ZNF385D: variants seen among roughly 807,000 people sequenced by gnomAD.
ZNF385D encodes the protein zinc finger protein 385D.
A neutral mutation model predicts 35.8 loss-of-function variants in ZNF385D; 15 were observed. That is an observed-to-expected ratio of 0.42 (90% CI 0.28 to 0.64). The LOEUF is 0.64. Among genes scored for constraint, ZNF385D ranks in the 30% least tolerant of loss-of-function variants. ZNF385D has a pLI of 0.23. For synonymous variants in ZNF385D, 212 were observed against 186.8 expected, an observed-to-expected ratio of 1.13 and a Z score of -1.10; for missense variants, 474 against 494.6, an observed-to-expected ratio of 0.96 and a Z score of 0.39.
intron 3 of ZNF385D, among the ~76,000 whole-genome samples, chr3:21,915,643 A>G (rs1324009844): frequency 6.6e-6 from 1 of 152,152 alleles, no homozygotes; most frequent in Non-Finnish European, 1.5e-5. Context: ...TACACAAAGA[A>G]AAAAAACAAA....
intron 3 of ZNF385D, among the ~76,000 whole-genome samples, chr3:21,861,616 G>A (rs776904429): frequency 4.6e-5 from 7 of 152,098 alleles, no homozygotes; most frequent in Non-Finnish European, 8.8e-5. Flanking sequence ...AAAGCCAGAT[G>A]GCATATAGGG....
intron 2 of ZNF385D, among the ~76,000 whole-genome samples, chr3:22,366,196 C>A (rs1176070121): frequency 6.6e-6 from 1 of 152,068 alleles, no homozygotes; most frequent in Non-Finnish European, 1.5e-5. Context: ...TTTAATCATA[C>A]TTCCTTGCCC....
At chr3:22,215,988 C>T (rs949482787) in intron 2 of ZNF385D, among the ~76,000 whole-genome samples, 2 of 152,034 alleles carry the variant, frequency 1.3e-5, no homozygotes, top group East Asian at 3.9e-4. Context: ...CTGAATTTCC[C>T]CCAATAGCTA....
At chr3:22,192,861 G>A (rs1204493785) in intron 2 of ZNF385D, among the ~76,000 whole-genome samples, 1 of 152,134 alleles carries the variant, frequency 6.6e-6, no homozygotes, top group Non-Finnish European at 1.5e-5. Flanking sequence ...CTGGGTTAAA[G>A]TTTTCTCTAA....
At chr3:22,165,177 G>T (rs548515376) in intron 3 of ZNF385D, among the ~76,000 whole-genome samples, 1 of 152,320 alleles carries the variant, frequency 6.6e-6, no homozygotes, top group East Asian at 1.9e-4. Flanking sequence ...GTGATGTGTT[G>T]ATGTAGGTTA....
chr3:22,160,271 T>C (rs1216267751), intron 3 of ZNF385D, among the ~76,000 whole-genome samples: 2 of 152,092 alleles, frequency 1.3e-5, no homozygotes, highest in Non-Finnish European at 2.9e-5. Flanking sequence ...AGAAAGAAGT[T>C]ACCATTATGA....
chr3:22,077,258 G>A (rs9826053), intron 3 of ZNF385D, among the ~76,000 whole-genome samples: 6,560 of 151,822 alleles, frequency 0.043, 450 homozygotes, highest in African/African-American at 0.15. Context: ...AAATTTTCCT[G>A]GACTAGATTA....
At chr3:22,194,953 T>C (rs1429639946) in intron 2 of ZNF385D, among the ~76,000 whole-genome samples, 1 of 151,964 alleles carries the variant, frequency 6.6e-6, no homozygotes, top group Non-Finnish European at 1.5e-5. Context: ...TCATACAGGC[T>C]GTTTTGTGAA....
intron 3 of ZNF385D, among the ~76,000 whole-genome samples, chr3:21,791,923 C>T (rs1378453368): frequency 3.3e-5 from 5 of 152,036 alleles, no homozygotes; most frequent in Non-Finnish European, 7.4e-5. Flanking sequence ...TTAGTAGAGA[C>T]GGGGTTTCAC....
chr3:21,511,934 G>A (rs1197275266), intron 3 of ZNF385D, among the ~76,000 whole-genome samples: 1 of 151,390 alleles, frequency 6.6e-6, no homozygotes, highest in Non-Finnish European at 1.5e-5. Flanking sequence ...GGATCACGAG[G>A]TCAAGAGATC....
At chr3:21,500,911 T>A (rs1284831934) in intron 4 of ZNF385D, among the ~76,000 whole-genome samples, 1 of 152,196 alleles carries the variant, frequency 6.6e-6, no homozygotes, top group Non-Finnish European at 1.5e-5. Context: ...AATTAGAAAC[T>A]GGGTCCACCC....
At chr3:22,219,372 T>C (rs1313982527) in intron 2 of ZNF385D, among the ~76,000 whole-genome samples, 28 of 152,076 alleles carry the variant, frequency 1.8e-4, no homozygotes, top group Admixed American at 1.6e-3. Flanking sequence ...AGTAGGAAAA[T>C]AGAAAAATTC....
intron 1 of ZNF385D, among the ~76,000 whole-genome samples, chr3:21,702,768 C>A (rs1380982776): frequency 2.0e-5 from 3 of 152,210 alleles, no homozygotes. Context: ...TTCCACAAAT[C>A]TCTATGGCAG....
chr3:21,642,009 G>A (rs967135763), intron 2 of ZNF385D, among the ~76,000 whole-genome samples: 2 of 152,076 alleles, frequency 1.3e-5, no homozygotes, highest in South Asian at 2.1e-4. Context: ...TTGTCACCAC[G>A]TGTACAGTAA....
chr3:21,895,711 C>A lies in ZNF385D; in HGVS notation c.326-230683G>T, dbSNP rs73820173. Among the ~76,000 whole-genome samples the A allele has an allele frequency of 6.7e-3, 1,012 of 151,792 alleles. 9 individuals are homozygous for A. The highest frequency in any genetic ancestry group is 0.023 in the African/African-American group (963 of 41,380). On this transcript the variant is annotated intron_variant, in intron 3 of 5. Transcript: ENST00000494108. Reference sequence around the variant, plus strand: ...AAAGTATAGTGGCAGTATGCAGGACCGGTTGGAGTGGGAAGTGAAACCAAG... The same window carrying A: ...AAAGTATAGTGGCAGTATGCAGGACAGGTTGGAGTGGGAAGTGAAACCAAG...
intron 2 of ZNF385D, among the ~76,000 whole-genome samples, chr3:21,623,547 G>A (rs961476792): frequency 2.0e-5 from 3 of 152,024 alleles, no homozygotes; most frequent in African/African-American, 7.2e-5. Flanking sequence ...GGAGGCAGAA[G>A]TGGGAAAATC....
At chr3:22,050,265 G>T (rs1176653040) in intron 3 of ZNF385D, among the ~76,000 whole-genome samples, 1 of 151,908 alleles carries the variant, frequency 6.6e-6, no homozygotes, top group Non-Finnish European at 1.5e-5. Context: ...AGGAGGCTGG[G>T]GTGGGAAGAC....
At chr3:22,347,526 A>G (rs1695712698) in intron 2 of ZNF385D, among the ~76,000 whole-genome samples, 1 of 152,220 alleles carries the variant, frequency 6.6e-6, no homozygotes, top group African/African-American at 2.4e-5. Flanking sequence ...CAGTTTCAAA[A>G]CAATCAGACA....
chr3:21,471,984 T>C (rs1379819576), intron 4 of ZNF385D, among the ~76,000 whole-genome samples: 1 of 152,104 alleles, frequency 6.6e-6, no homozygotes, highest in Non-Finnish European at 1.5e-5. Context: ...AAAATTTGTG[T>C]TTATGTGAGG....
Sources: gnomAD v4.1 joint callset for allele counts (sites outside exome capture counted in the v4.1 genomes callset) on GRCh38, gnomAD v4.1.1 for gene constraint, MANE v1.5 for transcripts, NCBI Gene and HGNC (gene_info 2026-07-23, HGNC 2026-07-21) for gene names.